The following SPAG16 variants were observed in gnomAD, a reference collection of about 807,000 sequenced individuals.
SPAG16 encodes the protein sperm associated antigen 16.
SPAG16 carries 86 observed loss-of-function variants against 80.4 expected under a neutral mutation model. The ratio of observed to expected loss-of-function variants is 1.07; its 90% confidence interval spans 0.90 to 1.28. The LOEUF is 1.28. SPAG16 is among the 50% of genes most tolerant of loss of function. SPAG16 has a pLI of 0.00. For synonymous variants in SPAG16, 294 were observed against 265.9 expected (o/e 1.11, Z -1.03); for missense variants, 870 against 765.3 (o/e 1.14, Z -1.61).
chr2:213,670,973 G>A (rs1226446174), intron 10 of SPAG16, among the ~76,000 whole-genome samples: 2 of 152,058 alleles, frequency 1.3e-5, no homozygotes, highest in African/African-American at 4.8e-5. Context: ...CTACAAATCA[G>A]GAACCATCAC....
chr2:213,329,424 A>G (rs1454778216), intron 5 of SPAG16, among the ~76,000 whole-genome samples: 1 of 152,020 alleles, frequency 6.6e-6, no homozygotes, highest in Non-Finnish European at 1.5e-5. Flanking sequence ...AGCAAAGGTG[A>G]CTCTTGTTAT....
chr2:213,933,784 A>G (rs1482391735), intron 12 of SPAG16, among the ~76,000 whole-genome samples: 1 of 152,216 alleles, frequency 6.6e-6, no homozygotes, highest in Non-Finnish European at 1.5e-5. Context: ...GAAGAGGAAA[A>G]TAAAGAAGGT....
intron 13 of SPAG16, among the ~76,000 whole-genome samples, chr2:214,102,722 C>T (rs1323736706): frequency 5.9e-5 from 9 of 152,076 alleles, no homozygotes; most frequent in Non-Finnish European, 1.3e-4. Flanking sequence ...GGAGCAAATT[C>T]AGCCTTTGCC....
intron 7 of SPAG16, among the ~76,000 whole-genome samples, chr2:213,351,033 G>T (rs540853654): frequency 1.3e-5 from 2 of 151,632 alleles, no homozygotes; most frequent in African/African-American, 4.8e-5. Context: ...TCCCTGCTAC[G>T]TGGGAGGCTG....
At chr2:214,196,333 G>A (rs918584151) in intron 15 of SPAG16, among the ~76,000 whole-genome samples, 10 of 151,992 alleles carry the variant, frequency 6.6e-5, no homozygotes, top group Non-Finnish European at 1.3e-4. Flanking sequence ...TTCTTGTCTT[G>A]ATGCCTTATC....
intron 13 of SPAG16, among the ~76,000 whole-genome samples, chr2:214,037,826 C>T (rs2048780767): frequency 6.8e-6 from 1 of 147,674 alleles, no homozygotes; most frequent in Non-Finnish European, 1.5e-5. Flanking sequence ...TGTTTGATAC[C>T]AATATTGCCT....
intron 13 of SPAG16, among the ~76,000 whole-genome samples, chr2:214,075,664 A>G (rs545155726): frequency 2.9e-4 from 44 of 152,334 alleles, no homozygotes; most frequent in African/African-American, 1.0e-3. Flanking sequence ...TACGTCCTTA[A>G]CACAGAGGCG....
At chr2:214,322,472 T>G (rs941941780) in intron 15 of SPAG16, among the ~76,000 whole-genome samples, 1 of 150,876 alleles carries the variant, frequency 6.6e-6, no homozygotes, top group African/African-American at 2.4e-5. Flanking sequence ...ATACCAAATC[T>G]ATTTCTAATT....
intron 9 of SPAG16, among the ~76,000 whole-genome samples, chr2:213,462,109 G>T (rs2072404614): frequency 6.6e-6 from 1 of 152,146 alleles, no homozygotes; most frequent in Non-Finnish European, 1.5e-5. Context: ...AAATAAATAA[G>T]AGGCAAGGCA....
chr2:213,583,951 C>T (rs1008820034), intron 10 of SPAG16, among the ~76,000 whole-genome samples: 6 of 152,084 alleles, frequency 3.9e-5, no homozygotes, highest in Admixed American at 3.3e-4. Flanking sequence ...TTTCACCTAC[C>T]ATTTGGCTCA....
chr2:213,377,809 A>G (rs1296383924), intron 9 of SPAG16, among the ~76,000 whole-genome samples: 1 of 152,102 alleles, frequency 6.6e-6, no homozygotes, highest in South Asian at 2.1e-4. Flanking sequence ...ACTTGGCAAA[A>G]TCAGAAAGCT....
rs2076359373 is a variant in SPAG16, at chr2:213,881,906, AT to A, written c.1214+19280del. Reference sequence around the variant, plus strand: ...TGATGAGCATAGGCATACTTGTCATATTCCAGTTCTCAAGGGCAATGGATCC... The same window carrying A: ...TGATGAGCATAGGCATACTTGTCATATCCAGTTCTCAAGGGCAATGGATCC... On this transcript the variant is annotated intron_variant, in intron 11 of 15. Coordinates refer to ENST00000331683, the MANE Select transcript of SPAG16 (RefSeq NM_024532.5). 5.9e-5 allele frequency among the ~76,000 whole-genome samples: 9 copies of A among 152,260 alleles called. No homozygotes were observed. The South Asian group carries it at 1.9e-3, about 32-fold the overall frequency.
At chr2:214,018,899 A>T (rs1226585545) in intron 13 of SPAG16, among the ~76,000 whole-genome samples, 1 of 152,180 alleles carries the variant, frequency 6.6e-6, no homozygotes, top group Admixed American at 6.6e-5. Context: ...ATTAACGTGG[A>T]GGCCTAAGTC....
At chr2:213,800,290 C>T (rs1349030480) in intron 10 of SPAG16, among the ~76,000 whole-genome samples, 1 of 151,710 alleles carries the variant, frequency 6.6e-6, no homozygotes, top group African/African-American at 2.4e-5. Context: ...TCTTGTCTCC[C>T]TATATTTCCC....
intron 10 of SPAG16, among the ~76,000 whole-genome samples, chr2:213,690,849 A>G (rs1269931432): frequency 6.6e-6 from 1 of 152,150 alleles, no homozygotes; most frequent in African/African-American, 2.4e-5. Context: ...ATGGCCTCAG[A>G]CTGAGGGCTG....
At chr2:213,856,572 T>C (rs2075178327) in intron 10 of SPAG16, among the ~76,000 whole-genome samples, 1 of 152,190 alleles carries the variant, frequency 6.6e-6, no homozygotes, top group African/African-American at 2.4e-5. Context: ...CATCCAGGCA[T>C]GTCTATACAT....
chr2:214,377,712 A>G (rs2126100945), intron 15 of SPAG16, among the ~76,000 whole-genome samples: 1 of 152,316 alleles, frequency 6.6e-6, no homozygotes, highest in East Asian at 1.9e-4. Flanking sequence ...CAGCACCCCT[A>G]ACCCCTGAGT....
At chr2:214,298,135 T>TACACATACACACAC (rs1694282670) in intron 15 of SPAG16, among the ~76,000 whole-genome samples, 1 of 129,212 alleles carries the variant, frequency 7.7e-6, no homozygotes, top group Admixed American at 8.2e-5. Flanking sequence ...CACACACACA[T>TACACATACACACAC]ACACATACAC....
chr2:213,865,940 A>G (rs1025859484), intron 11 of SPAG16, among the ~76,000 whole-genome samples: 1 of 148,368 alleles, frequency 6.7e-6, no homozygotes, highest in South Asian at 2.1e-4. Context: ...TATATACTAT[A>G]TATATATGTG....
Sources: gnomAD v4.1 joint callset for allele counts (sites outside exome capture counted in the v4.1 genomes callset) on GRCh38, gnomAD v4.1.1 for gene constraint, MANE v1.5 for transcripts, NCBI Gene and HGNC (gene_info 2026-07-23, HGNC 2026-07-21) for gene names.